Variants in CDH13 observed in about 807,000 individuals in gnomAD.
CDH13 encodes the protein cadherin 13, also known as cadherin-13.
A neutral mutation model predicts 63.8 loss-of-function variants in CDH13; 24 were observed. The ratio of observed to expected loss-of-function variants is 0.38; its 90% CI spans 0.27 to 0.53. The LOEUF is 0.53. Ranked by LOEUF, CDH13 falls within the 20% of genes least tolerant of loss-of-function variation. The pLI, the probability that CDH13 is intolerant of heterozygous loss-of-function variation, is 0.85. For synonymous variants in CDH13, 503 were observed against 355.3 expected, an observed-to-expected ratio of 1.42 and a Z score of -4.67; for missense variants, 1,049 against 903.1, an observed-to-expected ratio of 1.16 and a Z score of -2.07.
chr16:83,362,257 A>G (rs2091176604), intron 6 of CDH13, among the ~76,000 whole-genome samples: 1 of 152,176 alleles, frequency 6.6e-6, no homozygotes, highest in Non-Finnish European at 1.5e-5. Context: ...TCATGAGGCA[A>G]TCTGAGACCT....
intron 1 of CDH13, among the ~76,000 whole-genome samples, chr16:82,830,419 A>G (rs1038659997): frequency 2.0e-5 from 3 of 152,218 alleles, no homozygotes; most frequent in East Asian, 1.9e-4. Flanking sequence ...TGGGCAGTGA[A>G]CAGTGTTGTT....
At chr16:82,959,110 T>C (rs558032676) in intron 2 of CDH13, among the ~76,000 whole-genome samples, 98 of 152,362 alleles carry the variant, frequency 6.4e-4, no homozygotes, top group African/African-American at 2.3e-3. Context: ...TGGATATAAA[T>C]AATTATCTTT....
Position 83,683,257 on chromosome 16 carries a change from G to A in CDH13, c.1538+4796G>A, listed in dbSNP as rs570550874. Reference sequence around the variant, plus strand: ...AATGAACAGCAGTGGTCTAGTGACAGATGAAATTCTTCTTTTTAATGACTT... The same window carrying A: ...AATGAACAGCAGTGGTCTAGTGACAAATGAAATTCTTCTTTTTAATGACTT... On this transcript the variant is annotated intron_variant, in intron 10 of 13. Coordinates refer to ENST00000567109, the MANE Select transcript of CDH13 (RefSeq NM_001257.5). Among the ~76,000 whole-genome samples, 4 of 152,346 alleles carry A rather than the reference G, an allele frequency of 2.6e-5. No individual in the cohort carries two copies. The East Asian group carries it at 5.8e-4, about 22-fold the overall frequency.
chr16:83,088,220 A>T (rs534748803), intron 3 of CDH13, among the ~76,000 whole-genome samples: 1 of 152,156 alleles, frequency 6.6e-6, no homozygotes, highest in South Asian at 2.1e-4. Flanking sequence ...TGCAGATTCA[A>T]CTCTGACATG....
At chr16:83,576,465 C>G (rs4426341) in intron 7 of CDH13, among the ~76,000 whole-genome samples, 73,934 of 152,048 alleles carry the variant, frequency 0.49, 18,544 homozygotes, top group East Asian at 0.75. Context: ...GTTCTATGAA[C>G]GTGTGCATAC....
At chr16:83,110,655 G>T (rs66776121) in intron 3 of CDH13, among the ~76,000 whole-genome samples, 2 of 152,036 alleles carry the variant, frequency 1.3e-5, no homozygotes. Context: ...CCTGGGCCTG[G>T]TTAGTAGTAT....
chr16:83,345,923 C>T (rs542144901), intron 6 of CDH13, among the ~76,000 whole-genome samples: 1 of 152,228 alleles, frequency 6.6e-6, no homozygotes, highest in East Asian at 1.9e-4. Context: ...TATTTTTCCC[C>T]CTTTTCTGAA....
intron 2 of CDH13, among the ~76,000 whole-genome samples, chr16:82,999,747 G>T (rs1368967434): frequency 6.6e-6 from 1 of 152,158 alleles, no homozygotes; most frequent in East Asian, 1.9e-4. Context: ...CCCCTCTCCA[G>T]CAGCTGTCGT....
At chr16:83,259,327 G>C (rs908545459) in intron 5 of CDH13, among the ~76,000 whole-genome samples, 7 of 152,150 alleles carry the variant, frequency 4.6e-5, no homozygotes, top group Admixed American at 1.3e-4. Flanking sequence ...TAAAACACTT[G>C]ACACAATGTT....
chr16:82,817,931 A>G (rs899622164), intron 1 of CDH13, among the ~76,000 whole-genome samples: 4 of 145,824 alleles, frequency 2.7e-5, no homozygotes, highest in African/African-American at 1.0e-4. Flanking sequence ...GCACACACCT[A>G]TAATTATAAA....
intron 1 of CDH13, among the ~76,000 whole-genome samples, chr16:82,712,240 A>C (rs906137349): frequency 3.3e-5 from 5 of 152,138 alleles, no homozygotes; most frequent in Non-Finnish European, 5.9e-5. Context: ...ATCTTCATTA[A>C]TTTATTTTAC....
intron 5 of CDH13, among the ~76,000 whole-genome samples, chr16:83,257,402 C>G (rs1434302972): frequency 6.6e-6 from 1 of 152,086 alleles, no homozygotes; most frequent in African/African-American, 2.4e-5. Flanking sequence ...GGCCAAAGTT[C>G]ATGGATGAGG....
chr16:82,670,341 G>A (rs1597274562), intron 1 of CDH13, among the ~76,000 whole-genome samples: 5 of 152,310 alleles, frequency 3.3e-5, no homozygotes, highest in Middle Eastern at 6.8e-3. Context: ...AATTTAGAGC[G>A]ATTTCTTTCC....
At chr16:83,267,125 C>T (rs894302835) in intron 5 of CDH13, among the ~76,000 whole-genome samples, 1 of 152,172 alleles carries the variant, frequency 6.6e-6, no homozygotes, top group African/African-American at 2.4e-5. Context: ...ACATGCATGC[C>T]TCATTCTTTG....
intron 1 of CDH13, among the ~76,000 whole-genome samples, chr16:82,836,302 C>G (rs2038765259): frequency 4.6e-5 from 7 of 152,050 alleles, no homozygotes; most frequent in Admixed American, 4.6e-4. Context: ...GTGCCCACCA[C>G]CACGCCCAGT....
rs71382861 is a variant in CDH13 at position 83,045,634 on chromosome 16, T to TAAA, written c.366+13439_366+13441dup. 1.5e-3 allele frequency among the ~76,000 whole-genome samples: 166 copies of TAAA among 107,892 alleles called. 1 individual carries two copies. The highest frequency in any genetic ancestry group is 3.6e-3 in the African/African-American group (97 of 27,074). 70.8% of individuals were successfully genotyped at this position (107,892 alleles called of 152,430 possible). A position where few individuals can be genotyped will look rare whatever the true frequency, so the allele number is the denominator to read the frequency against. On this transcript the variant is annotated intron_variant, in intron 3 of 13. Coordinates refer to ENST00000567109, the MANE Select transcript of CDH13 (RefSeq NM_001257.5). ...TCTGGGCGACAGATCAAGATTCCTT[T>TAAA]AAAAAAAAAAAAAAAAAAAAAAAAA...
intron 7 of CDH13, among the ~76,000 whole-genome samples, chr16:83,514,628 G>C (rs1318741833): frequency 6.6e-6 from 1 of 152,164 alleles, no homozygotes; most frequent in African/African-American, 2.4e-5. Context: ...CTGGGCAACA[G>C]AGTGAGACTC....
intron 7 of CDH13, among the ~76,000 whole-genome samples, chr16:83,539,505 A>C (rs2150646000): frequency 6.6e-6 from 1 of 152,314 alleles, no homozygotes. Context: ...TGAAAGTGAA[A>C]GGCTGAAAAC....
intron 3 of CDH13, among the ~76,000 whole-genome samples, chr16:83,099,505 G>C (rs999691254): frequency 2.6e-5 from 4 of 151,586 alleles, no homozygotes; most frequent in Non-Finnish European, 5.9e-5. Flanking sequence ...TGCATTTTTA[G>C]TAGAGACAGG....
Sources: gnomAD v4.1 joint callset for allele counts (sites outside exome capture counted in the v4.1 genomes callset) on GRCh38, gnomAD v4.1.1 for gene constraint, MANE v1.5 for transcripts, NCBI Gene and HGNC (gene_info 2026-07-23, HGNC 2026-07-21) for gene names.